The following DLG1 variants were observed in gnomAD, a reference collection of about 807,000 sequenced individuals.
DLG1 encodes the protein disks large homolog 1.
In DLG1, 42 loss-of-function variants were observed where a neutral mutation model predicts 123.4. That is an observed-to-expected ratio of 0.34 (90% confidence interval 0.27 to 0.44). DLG1 has a LOEUF of 0.44. Among genes scored for constraint, DLG1 ranks in the 20% least tolerant of loss-of-function variants. The pLI is 1.00. For synonymous variants in DLG1, 317 were observed against 356.2 expected, an observed-to-expected ratio of 0.89 and a Z score of 1.24; for missense variants, 942 against 1,082.6, an observed-to-expected ratio of 0.87 and a Z score of 1.82.
At chr3:197,179,676 T>C (rs1809070416) in intron 5 of DLG1, among the ~76,000 whole-genome samples, 1 of 152,180 alleles carries the variant, frequency 6.6e-6, no homozygotes, top group Admixed American at 6.5e-5. Flanking sequence ...CTAAGTACTT[T>C]ATTAATATAT....
At chr3:197,166,054 G>A (rs930837597) in intron 5 of DLG1, among the ~76,000 whole-genome samples, 1 of 152,208 alleles carries the variant, frequency 6.6e-6, no homozygotes, top group Non-Finnish European at 1.5e-5. Flanking sequence ...AAGGGTGCTG[G>A]AGCCTCAGCA....
intron 4 of DLG1, among the ~76,000 whole-genome samples, chr3:197,278,460 GAC>G (rs779778882): frequency 1.3e-5 from 2 of 151,364 alleles, no homozygotes; most frequent in Non-Finnish European, 2.9e-5. Context: ...GACAGAGTGA[GAC>G]ACAGTTTCTA....
At position 197,051,613 on chromosome 3, in the gene DLG1, T is replaced by C. The variant is rs368819214; in HGVS notation, c.2539A>G (p.Met847Val). The change falls in exon 24 of 25, where the codon ATG becomes GTG. Residue 847 changes from methionine to valine, a missense_variant. By Grantham distance (21) the Met-to-Val change is conservative. Coordinates refer to ENST00000667157, the MANE Select transcript of DLG1 (RefSeq NM_001366207.1). Reference protein sequence around the residue: ...EQARKTFERAMKLEQEFTEHF... With the variant: ...EQARKTFERAVKLEQEFTEHF... ...TCAGTAAACTCCTGTTCCAGTTTCA[T>C]GGCTCTCTCAAATGTTTTTCTGGCT... 12 of 1,614,066 alleles carry C rather than the reference T, an allele frequency of 7.4e-6. No individual in the cohort carries two copies. Among genetic ancestry groups the C allele is most frequent in the Middle Eastern group, 1.7e-4 (1 of 6,060 alleles).
intron 5 of DLG1, among the ~76,000 whole-genome samples, chr3:197,162,159 A>G (rs1799033926): frequency 6.6e-6 from 1 of 152,170 alleles, no homozygotes; most frequent in South Asian, 2.1e-4. Context: ...CAGGCAGACA[A>G]AGAGAGTTTA....
At chr3:197,044,821 GA>G (rs1193455980) in intron 24 of DLG1, 92 bp from the exon 25 acceptor site, 2 of 709,000 alleles carry the variant, frequency 2.8e-6, no homozygotes, top group African/African-American at 3.7e-5. Flanking sequence ...TAGTATCTTT[GA>G]AAAAGTTACT....
rs773487577 is a variant in DLG1 at position 197,131,584 on chromosome 3, C to CTTT, written c.1021-916_1021-914dup. 9.7e-4 allele frequency among the ~76,000 whole-genome samples: 64 copies of CTTT among 65,776 alleles called. 4 individuals carry two copies. Among genetic ancestry groups the CTTT allele is most frequent in the Admixed American group, 1.3e-3 (6 of 4,556 alleles). The allele number at this position is 65,776 out of a possible 152,430, so 43.2% of individuals were successfully genotyped here. ...CAAATATAGTTTTATTTCTTCCTTTCTTTTTTTTTTTTTTTTTTTTTTTTT... is the reference window on the plus strand; with the variant it reads ...CAAATATAGTTTTATTTCTTCCTTTCTTTTTTTTTTTTTTTTTTTTTTTTTTTT... On this transcript the variant is annotated intron_variant, in intron 10 of 24. Coordinates refer to ENST00000667157, the MANE Select transcript of DLG1 (RefSeq NM_001366207.1).
At chr3:197,128,255 G>C (rs984416275) in intron 11 of DLG1, among the ~76,000 whole-genome samples, 1 of 152,094 alleles carries the variant, frequency 6.6e-6, no homozygotes, top group African/African-American at 2.4e-5. Flanking sequence ...TTGCCGTTTC[G>C]ATAATGTTCA....
intron 5 of DLG1, among the ~76,000 whole-genome samples, chr3:197,158,580 G>A (rs894566582): frequency 1.4e-5 from 2 of 139,182 alleles, no homozygotes; most frequent in Non-Finnish European, 3.0e-5. Flanking sequence ...GCTGTGGTGA[G>A]CCGAGATTGT....
At chr3:197,049,335 A>G (rs1725624431) in intron 24 of DLG1, among the ~76,000 whole-genome samples, 1 of 151,272 alleles carries the variant, frequency 6.6e-6, no homozygotes, top group Non-Finnish European at 1.5e-5. Context: ...AATAAAAAAC[A>G]AAAAGCCAAC....
intron 24 of DLG1, among the ~76,000 whole-genome samples, chr3:197,046,215 G>T (rs112583442): frequency 6.6e-6 from 1 of 152,026 alleles, no homozygotes; most frequent in Non-Finnish European, 1.5e-5. Context: ...ACAACAGCAC[G>T]CAAGGATTTA....
chr3:197,136,908 T>C (rs1007912562), intron 9 of DLG1, among the ~76,000 whole-genome samples: 5 of 152,244 alleles, frequency 3.3e-5, no homozygotes, highest in South Asian at 4.1e-4. Flanking sequence ...TCCTTCTTAG[T>C]ATCTTTTCGC....
chr3:197,227,392 T>C (rs1011401627), intron 4 of DLG1, among the ~76,000 whole-genome samples: 1 of 151,800 alleles, frequency 6.6e-6, no homozygotes, highest in African/African-American at 2.4e-5. Context: ...GGAGAATAGC[T>C]TGAAACTGGG....
At chr3:197,283,419 T>C (rs952922407) in intron 3 of DLG1, among the ~76,000 whole-genome samples, 4 of 152,286 alleles carry the variant, frequency 2.6e-5, no homozygotes, top group African/African-American at 9.6e-5. Flanking sequence ...TATCCTCTAG[T>C]CTGAATATTT....
At chr3:197,095,306 T>G (rs2149221304) in intron 14 of DLG1, among the ~76,000 whole-genome samples, 1 of 152,316 alleles carries the variant, frequency 6.6e-6, no homozygotes, top group South Asian at 2.1e-4. Flanking sequence ...CTCGGATCCC[T>G]ATGAAGAGTC....
At chr3:197,202,008 GA>G (rs887128633) in intron 4 of DLG1, among the ~76,000 whole-genome samples, 26 of 151,864 alleles carry the variant, frequency 1.7e-4, no homozygotes, top group Non-Finnish European at 2.9e-4. Flanking sequence ...GGAGGGGTGG[GA>G]GGGGTGGATG....
At chr3:197,294,071 C>G (rs1244959472) in intron 3 of DLG1, 2 of 152,128 alleles carry the variant, frequency 1.3e-5, no homozygotes, top group African/African-American at 4.8e-5. Context: ...CAAAGAAAAT[C>G]TTATCAGACT....
chr3:197,088,878 C>T (rs73891603), intron 15 of DLG1, among the ~76,000 whole-genome samples: 221 of 152,276 alleles, frequency 1.5e-3, no homozygotes, highest in African/African-American at 5.2e-3. Context: ...GGGTACCACT[C>T]GACTGAGTCA....
rs1786223277 is a variant in DLG1 at position 197,138,481 on chromosome 3, T to TA, written c.714-91dup. 8.7e-6 allele frequency: 5 copies of TA among 574,916 alleles called. No homozygotes were observed. The East Asian group carries it at 2.5e-4, about 29-fold the overall frequency. 35.6% of individuals were successfully genotyped at this position (574,916 alleles called of 1,614,324 possible). ...TACCAATTTTTTGTTACTTCTTTTT[T>TA]AAGGTAAAGAGAATTATAAATAATT... On this transcript the variant is annotated intron_variant, in intron 8 of 24. Transcript: ENST00000667157.
In DLG1 at chr3:197,051,612, A is replaced by C; in HGVS notation, c.2540T>G (p.Met847Arg). The C allele has an allele frequency of 6.2e-7, 1 of 1,613,986 alleles. No individual in the cohort carries two copies. Among genetic ancestry groups the C allele is most frequent in the Non-Finnish European group, 8.5e-7 (1 of 1,179,908 alleles). ...EQARKTFERA[M>R]KLEQEFTEHF... ...TTCAGTAAACTCCTGTTCCAGTTTC[A>C]TGGCTCTCTCAAATGTTTTTCTGGC... The change falls in exon 24 of 25, where the codon ATG (methionine) becomes AGG (arginine). Residue 847 changes from methionine to arginine, a missense_variant. Physicochemically the swap from Met to Arg is moderately conservative, Grantham distance 91 (BLOSUM62 -1). Coordinates refer to ENST00000667157, the MANE Select transcript of DLG1 (RefSeq NM_001366207.1).
Sources: allele counts gnomAD v4.1 joint callset (sites outside exome capture counted in the v4.1 genomes callset), GRCh38; gene constraint gnomAD v4.1.1; transcripts MANE v1.5; gene names NCBI Gene and HGNC (gene_info 2026-07-23, HGNC 2026-07-21).